MRPL42: variants seen among roughly 807,000 people sequenced by gnomAD.
The protein encoded by MRPL42 is mitochondrial ribosomal protein L42, also known as large ribosomal subunit protein mL42.
In MRPL42, 17 loss-of-function variants were observed where a neutral mutation model predicts 17.9. The ratio of observed to expected loss-of-function variants is 0.95; its 90% CI spans 0.65 to 1.42. The LOEUF (loss-of-function observed/expected upper bound fraction) is 1.42, where lower values mean the gene tolerates loss of function less well. MRPL42 is among the 40% of genes most tolerant of loss of function. The pLI is 0.00. For missense variants in MRPL42, 177 were observed against 175.2 expected (o/e 1.01, Z -0.06); for synonymous variants, 59 against 54.4 (o/e 1.08, Z -0.37).
At chr12:93,491,455 T>A (rs1002721297) in intron 5 of MRPL42, among the ~76,000 whole-genome samples, 7 of 152,182 alleles carry the variant, frequency 4.6e-5, no homozygotes, top group African/African-American at 1.7e-4. Context: ...AAAAGCAAAT[T>A]GGTTGTCTTA....
chr12:93,472,649 C>T (rs1361374418), intron 2 of MRPL42, among the ~76,000 whole-genome samples: 2 of 152,074 alleles, frequency 1.3e-5, no homozygotes, highest in Admixed American at 1.3e-4. Context: ...AAGGGAAGGA[C>T]AGTAAGATTG....
At chr12:93,497,108 G>T (rs1165685073) in intron 5 of MRPL42, among the ~76,000 whole-genome samples, 1 of 152,098 alleles carries the variant, frequency 6.6e-6, no homozygotes, top group Admixed American at 6.6e-5. Context: ...CTCTGGACCA[G>T]ACAGATCCAC....
At chr12:93,496,048 G>A (rs1465103117) in intron 5 of MRPL42, among the ~76,000 whole-genome samples, 1 of 152,082 alleles carries the variant, frequency 6.6e-6, no homozygotes, top group Non-Finnish European at 1.5e-5. Context: ...CACAACAGAT[G>A]TTTGGGTTTT....
intron 5 of MRPL42, among the ~76,000 whole-genome samples, chr12:93,489,393 A>G (rs556887689): frequency 6.6e-6 from 1 of 152,304 alleles, no homozygotes; most frequent in East Asian, 1.9e-4. Context: ...CCCTTTCTTA[A>G]TAATCTCTAT....
chr12:93,476,854 A>G, intron 2 of MRPL42, 100 bp from the exon 3 acceptor site: 1 of 1,114,810 alleles, frequency 9.0e-7, no homozygotes, highest in Non-Finnish European at 1.4e-6. Context: ...GTTTCATACT[A>G]AACAGTAATG....
rs1953675904 is a variant in MRPL42 at position 93,506,823 on chromosome 12, G to C, written c.*5602G>C. On this transcript the variant is annotated 3_prime_UTR_variant, in exon 6 of 6. Coordinates refer to ENST00000549982, the MANE Select transcript of MRPL42 (RefSeq NM_014050.4). ...TCTTGATGAGTAATATATGTAGTCA[G>C]TAACATGGTTAAGTGTGGCAATTTG... 1 of 152,164 alleles carries C rather than the reference G, an allele frequency of 6.6e-6. No individual in the cohort carries two copies. Among genetic ancestry groups the C allele is most frequent in the East Asian group, 1.9e-4 (1 of 5,196 alleles). 9.4% of individuals were successfully genotyped at this position (152,164 alleles called of 1,614,324 possible). A position where few individuals can be genotyped will look rare whatever the true frequency, so the allele number is the denominator to read the frequency against.
intron 2 of MRPL42, among the ~76,000 whole-genome samples, chr12:93,476,664 C>G (rs569683196): frequency 6.6e-6 from 1 of 152,324 alleles, no homozygotes; most frequent in South Asian, 2.1e-4. Context: ...CTTGAACCTG[C>G]ACAATTTGTT....
chr12:93,491,331 C>T (rs1290362474), intron 5 of MRPL42, among the ~76,000 whole-genome samples: 2 of 152,200 alleles, frequency 1.3e-5, no homozygotes, highest in Non-Finnish European at 2.9e-5. Context: ...TAGAGGTTAA[C>T]CTACCTAGAT....
At position 93,511,713 on chromosome 12, in the gene MRPL42, T is replaced by G. The variant is rs1261906192; in HGVS notation, c.*10492T>G. The G allele has an allele frequency of 6.6e-6, 1 of 152,240 alleles. No individual in the cohort carries two copies. The highest frequency in any genetic ancestry group is 6.5e-5 in the Admixed American group (1 of 15,280). 9.4% of individuals were successfully genotyped at this position (152,240 alleles called of 1,614,324 possible). ...TGAAGGAAGATTCTCTTTTTTCCACTTCATTGCCAACAAACAGCTAACTCT... is the reference window on the plus strand; with the variant it reads ...TGAAGGAAGATTCTCTTTTTTCCACGTCATTGCCAACAAACAGCTAACTCT... On this transcript the variant is annotated 3_prime_UTR_variant, in exon 6 of 6. Transcript: ENST00000549982.
At chr12:93,492,702 T>G (rs1401221601) in intron 5 of MRPL42, among the ~76,000 whole-genome samples, 1 of 152,286 alleles carries the variant, frequency 6.6e-6, no homozygotes, top group Non-Finnish European at 1.5e-5. Flanking sequence ...TATTTACTAC[T>G]CAAGACTGAA....
At chr12:93,480,546 C>CT (rs1263859088) in intron 4 of MRPL42, among the ~76,000 whole-genome samples, 168 of 138,974 alleles carry the variant, frequency 1.2e-3, no homozygotes, top group Admixed American at 1.6e-3. Context: ...AATTTCTTTT[C>CT]TTTTTTTTTT....
rs1439201318 is a variant in MRPL42 at position 93,502,052 on chromosome 12, G to C, written c.*831G>C. ...AGGAGCCAAACTATCAGGCTCCAAA[G>C]CTTTTTTTTAGTGCATCACAATGAC... On this transcript the variant is annotated 3_prime_UTR_variant, in exon 6 of 6. Transcript: ENST00000549982. 1 of 152,082 alleles carries C rather than the reference G, an allele frequency of 6.6e-6. No individual in the cohort carries two copies. The highest frequency in any genetic ancestry group is 1.5e-5 in the Non-Finnish European group (1 of 68,014). 9.4% of individuals were successfully genotyped at this position (152,082 alleles called of 1,614,324 possible).
At chr12:93,482,219 T>G (rs1334343258) in intron 4 of MRPL42, among the ~76,000 whole-genome samples, 1 of 152,228 alleles carries the variant, frequency 6.6e-6, no homozygotes, top group African/African-American at 2.4e-5. Context: ...TTTACTCTCT[T>G]TCCTTAAGGT....
intron 4 of MRPL42, among the ~76,000 whole-genome samples, chr12:93,482,049 A>G (rs183541780): frequency 7.2e-5 from 11 of 152,186 alleles, no homozygotes; most frequent in African/African-American, 2.4e-4. Context: ...TCATCTCTCT[A>G]GTTTAGGTAA....
intron 2 of MRPL42, among the ~76,000 whole-genome samples, chr12:93,472,064 C>T (rs11107043): frequency 0.31 from 46,428 of 152,024 alleles, 7,368 homozygotes; most frequent in African/African-American, 0.39. Flanking sequence ...TAAGTTTGTA[C>T]TGGATCTAAT....
chr12:93,482,895 TC>T (rs1433982850), intron 4 of MRPL42, among the ~76,000 whole-genome samples: 1 of 89,004 alleles, frequency 1.1e-5, no homozygotes, highest in Non-Finnish European at 2.7e-5. Flanking sequence ...CCAATCTGGT[TC>T]TTTTTTTTTT....
intron 4 of MRPL42, among the ~76,000 whole-genome samples, chr12:93,486,001 G>A (rs1021376521): frequency 6.8e-6 from 1 of 147,344 alleles, no homozygotes; most frequent in Non-Finnish European, 1.5e-5. Context: ...ATTTTTTGTA[G>A]AGATGAGGTT....
At position 93,505,020 on chromosome 12, in the gene MRPL42, A is replaced by G. The variant is rs1275430613; in HGVS notation, c.*3799A>G. ...TTAAGCTAAGGATTTCATGAATGGGATTTGGGGTAGGGGCATCTATGAAAT... is the reference window on the plus strand; with the variant it reads ...TTAAGCTAAGGATTTCATGAATGGGGTTTGGGGTAGGGGCATCTATGAAAT... On this transcript the variant is annotated 3_prime_UTR_variant, in exon 6 of 6. Coordinates refer to ENST00000549982, the MANE Select transcript of MRPL42 (RefSeq NM_014050.4). The G allele has an allele frequency of 6.6e-6, 1 of 152,148 alleles. No individual in the cohort carries two copies. Among genetic ancestry groups the G allele is most frequent in the Non-Finnish European group, 1.5e-5 (1 of 68,024 alleles). The allele number at this position is 152,148 out of a possible 1,614,324, so 9.4% of individuals were successfully genotyped here.
At chr12:93,481,070 T>C (rs1548110) in intron 4 of MRPL42, among the ~76,000 whole-genome samples, 101,857 of 152,008 alleles carry the variant, frequency 0.67, 34,389 homozygotes, top group Middle Eastern at 0.72. Context: ...GTTTATTTGC[T>C]GTGTTTTAGC....
Sources: allele counts gnomAD v4.1 joint callset (sites outside exome capture counted in the v4.1 genomes callset), GRCh38; gene constraint gnomAD v4.1.1; transcripts MANE v1.5; gene names NCBI Gene and HGNC (gene_info 2026-07-23, HGNC 2026-07-21).